SEMA4G: variants seen among roughly 807,000 people sequenced by gnomAD.
The protein encoded by SEMA4G is semaphorin 4G.
A neutral mutation model predicts 81.2 loss-of-function variants in SEMA4G; 59 were observed. That is an observed-to-expected ratio of 0.73 (90% confidence interval 0.59 to 0.90). SEMA4G has a LOEUF of 0.90. Among genes scored for constraint, SEMA4G ranks in the 40% least tolerant of loss-of-function variants. SEMA4G has a pLI of 0.00. For synonymous variants in SEMA4G, 404 were observed against 433.9 expected (o/e 0.93, Z 0.86); for missense variants, 952 against 1,102.3 (o/e 0.86, Z 1.93).
At chr10:100,983,642 C>A in exon 14 of SEMA4G, 1 of 1,613,836 alleles carries the variant, frequency 6.2e-7, no homozygotes, top group Non-Finnish European at 8.5e-7. Flanking sequence ...TGAGACTGCT[C>A]TATGTGCTAG....
exon 9 of SEMA4G, chr10:100,979,973 C>T (rs1850983227): frequency 6.2e-7 from 1 of 1,614,112 alleles, no homozygotes; most frequent in Non-Finnish European, 8.5e-7. Context: ...GGTGGGGTGC[C>T]TGAGCCCCGG....
chr10:100,973,321 A>T lies in SEMA4G; in HGVS notation c.273+44A>T. 6.2e-7 allele frequency: 1 copy of T among 1,605,906 alleles called. No homozygotes were observed. The highest frequency in any genetic ancestry group is 1.3e-5 in the African/African-American group (1 of 74,922). On this transcript the variant is annotated intron_variant, in intron 2 of 13. Coordinates refer to ENST00000370250, the Ensembl canonical transcript of SEMA4G. This position sits in a 1 kb window ranked among gnomAD's most constrained non-coding sequence, Gnocchi z 5.5. Reference sequence around the variant, plus strand: ...GACCACCCAGAGGGTCTCTATGCTTATCCAGCTCCCTGGGACCTCAACTTC... The same window carrying T: ...GACCACCCAGAGGGTCTCTATGCTTTTCCAGCTCCCTGGGACCTCAACTTC...
Position 100,981,006 on chromosome 10 carries a change from T to C in SEMA4G, c.1628+24T>C, listed in dbSNP as rs778015062. On this transcript the variant is annotated intron_variant, in intron 12 of 13. Transcript: ENST00000370250. ...AGGTCCCAGGGAAGCAGGTGGGAAG[T>C]GGTGGGGGGTGACAGTCACATGTGG... The C allele has an allele frequency of 1.9e-6, 3 of 1,590,610 alleles. No homozygotes were observed. The highest frequency in any genetic ancestry group is 2.2e-5 in the East Asian group (1 of 44,694).
exon 14 of SEMA4G, chr10:100,983,940 G>A (rs1200638891): frequency 1.3e-6 from 2 of 1,484,830 alleles, no homozygotes; most frequent in Non-Finnish European, 1.8e-6. Flanking sequence ...GCCACCGGCT[G>A]AGCTGACCAA....
At chr10:100,979,933 G>A in exon 9 of SEMA4G, 2 of 1,614,156 alleles carry the variant, frequency 1.2e-6, no homozygotes, top group Non-Finnish European at 1.7e-6. Flanking sequence ...GGAATACCAG[G>A]ATGGTTCCCG....
At chr10:100,977,713 C>G (rs1295606625) in exon 4 of SEMA4G, 1 of 1,613,806 alleles carries the variant, frequency 6.2e-7, no homozygotes, top group African/African-American at 1.3e-5. Context: ...CGCCTTCCAG[C>G]CCCTCTGTGC....
At chr10:100,977,984 C>G (rs924847728) in intron 4 of SEMA4G, 1 of 572,902 alleles carries the variant, frequency 1.7e-6, no homozygotes, top group Admixed American at 3.1e-5. Flanking sequence ...CTTCATTTAA[C>G]CCAAAACAAA....
chr10:100,976,819 A>T (rs1850810649), intron 3 of SEMA4G, among the ~76,000 whole-genome samples: 1 of 152,198 alleles, frequency 6.6e-6, no homozygotes, highest in African/African-American at 2.4e-5. Flanking sequence ...GTTTTATACT[A>T]TGTACATGTA....
At chr10:100,980,722 G>A in intron 11 of SEMA4G, 29 bp downstream of exon 12, 1 of 1,609,124 alleles carries the variant, frequency 6.2e-7, no homozygotes, top group Non-Finnish European at 8.5e-7. Flanking sequence ...CCTTAATATA[G>A]CCTTGCTGAA....
intron 3 of SEMA4G, among the ~76,000 whole-genome samples, chr10:100,974,508 T>C (rs2133860808): frequency 6.6e-6 from 1 of 152,280 alleles, no homozygotes; most frequent in African/African-American, 2.4e-5. Context: ...TACAGATGCT[T>C]ACTTACGATG....
chr10:100,971,092 G>C (rs1051096286), upstream of SEMA4G, among the ~76,000 whole-genome samples: 1 of 149,468 alleles, frequency 6.7e-6, no homozygotes, highest in Non-Finnish European at 1.5e-5. Context: ...GTGAATCCAC[G>C]TGTTCACAGT....
exon 1 of SEMA4G, chr10:100,972,709 C>A (rs1850667028): frequency 1.8e-6 from 1 of 544,424 alleles, no homozygotes; most frequent in East Asian, 3.1e-5. Context: ...CATGGCCACA[C>A]AACCCTGTGA....
rs1298897763 is a variant in SEMA4G, at chr10:100,983,512, A to G, written c.1898A>G (p.Tyr633Cys). Residue 633 changes from tyrosine to cysteine, a missense_variant, in exon 14 of 14, where the codon TAT (tyrosine) becomes TGT (cysteine). Transcript: ENST00000370250. ...GAGCACAGTGGCAACTATGGCTGCT[A>G]TGCCGAGGAAAATGGCCTCCGCACC... 3 of 1,614,200 alleles carry G rather than the reference A, an allele frequency of 1.9e-6. No homozygotes were observed. In the South Asian group the frequency reaches 3.3e-5, roughly 18 times the overall value.
intron 13 of SEMA4G, chr10:100,981,645 T>C (rs554309631): frequency 2.2e-6 from 3 of 1,387,570 alleles, no homozygotes; most frequent in Non-Finnish European, 3.0e-6. Flanking sequence ...TGTCATCTAC[T>C]GTCACAGCAT....
chr10:100,972,159 C>T (rs551206707), upstream of SEMA4G, among the ~76,000 whole-genome samples: 3 of 152,272 alleles, frequency 2.0e-5, no homozygotes, highest in East Asian at 5.8e-4. Context: ...GCATAAGGCA[C>T]CCCCGCAGGC....
chr10:100,973,271 C>A lies in SEMA4G; in HGVS notation c.267C>A (p.His89Gln). 3.1e-6 allele frequency: 5 copies of A among 1,612,862 alleles called. No homozygotes were observed. Among genetic ancestry groups the A allele is most frequent in the Non-Finnish European group, 4.2e-6 (5 of 1,180,030 alleles). ...CCAACGACATAGGAGATGGGGCTCA[C>A]AAAGAGGTCAGGCCCTGGAACCTGG... Residue 89 changes from histidine (H) to glutamine (Q), a missense_variant, in exon 2 of 14, where the codon CAC becomes CAA. By Grantham distance (24) the His-to-Gln change is conservative. This residue lies in a region of SEMA4G where 436 missense variants were observed against 488.2 expected (regional missense o/e 0.89). Coordinates refer to ENST00000370250, the Ensembl canonical transcript of SEMA4G. The surrounding 1 kb of genome is among the most constrained non-coding windows in gnomAD (Gnocchi z 5.5).
downstream of SEMA4G, chr10:100,984,909 G>A (rs1851358464): frequency 6.9e-7 from 1 of 1,453,694 alleles, no homozygotes; most frequent in African/African-American, 1.4e-5. Flanking sequence ...AGAGCTCCAG[G>A]CATGTCCCAT....
Position 100,973,525 on chromosome 10 carries a change from C to T in SEMA4G, c.274-22C>T, listed in dbSNP as rs1447465123. Reference sequence around the variant, plus strand: ...TAGGTATTGGGGTCAGTGCATCAGCCTATTCCCTTTGCCTCCACTAGATCC... The same window carrying T: ...TAGGTATTGGGGTCAGTGCATCAGCTTATTCCCTTTGCCTCCACTAGATCC... On this transcript the variant is annotated intron_variant, in intron 2 of 13. Coordinates refer to ENST00000370250, the Ensembl canonical transcript of SEMA4G. This position sits in a 1 kb window ranked among gnomAD's most constrained non-coding sequence, Gnocchi z 5.5. 1.9e-6 allele frequency: 3 copies of T among 1,612,416 alleles called. No homozygotes were observed. Among genetic ancestry groups the T allele is most frequent in the Admixed American group, 1.7e-5 (1 of 60,010 alleles).
exon 9 of SEMA4G, chr10:100,979,854 C>G (rs1413764190): frequency 1.9e-6 from 3 of 1,613,634 alleles, no homozygotes; most frequent in Admixed American, 1.7e-5. Context: ...CTAGGAAGAC[C>G]CTGGAGGCCT....
Sources: allele counts gnomAD v4.1 joint callset (sites outside exome capture counted in the v4.1 genomes callset), GRCh38; gene constraint gnomAD v4.1.1; regional missense constraint gnomAD v4.1.1; non-coding constraint Gnocchi (gnomAD v3.1); transcripts MANE v1.5; gene names NCBI Gene and HGNC (gene_info 2026-07-23, HGNC 2026-07-21).